GRIK1: variants seen among roughly 807,000 people sequenced by gnomAD.
GRIK1 encodes glutamate ionotropic receptor kainate type subunit 1.
In GRIK1, 69 loss-of-function variants were observed where a neutral mutation model predicts 105.7. The ratio of observed to expected loss-of-function variants is 0.65; its 90% confidence interval spans 0.54 to 0.80. The LOEUF (loss-of-function observed/expected upper bound fraction) is 0.80, where lower values mean the gene tolerates loss of function less well. Ranked by LOEUF, GRIK1 falls within the 30% of genes least tolerant of loss-of-function variation. The pLI is 0.00. For synonymous variants in GRIK1, 438 were observed against 431.3 expected, an observed-to-expected ratio of 1.02 and a Z score of -0.19; for missense variants, 1,109 against 1,167.3, an observed-to-expected ratio of 0.95 and a Z score of 0.73.
intron 1 of GRIK1, among the ~76,000 whole-genome samples, chr21:29,709,631 C>T (rs1274732130): frequency 6.6e-6 from 1 of 151,810 alleles, no homozygotes; most frequent in Non-Finnish European, 1.5e-5. Context: ...AGAACATGGG[C>T]ACATTTATAT....
chr21:29,772,761 A>C (rs1219365254), intron 1 of GRIK1, among the ~76,000 whole-genome samples: 1 of 152,214 alleles, frequency 6.6e-6, no homozygotes, highest in Admixed American at 6.5e-5. Context: ...ATTAGGCAGA[A>C]GCAGTTTGCA....
At chr21:29,636,880 A>G (rs2062408380) in intron 7 of GRIK1, among the ~76,000 whole-genome samples, 1 of 152,176 alleles carries the variant, frequency 6.6e-6, no homozygotes, top group Non-Finnish European at 1.5e-5. Flanking sequence ...TTAGCAGACA[A>G]CTTCCAATTG....
At chr21:29,775,319 T>C (rs1170035527) in intron 1 of GRIK1, among the ~76,000 whole-genome samples, 1 of 151,144 alleles carries the variant, frequency 6.6e-6, no homozygotes, top group African/African-American at 2.4e-5. Flanking sequence ...AGTTGCTTTG[T>C]CAATAGATGG....
At chr21:29,631,939 T>C (rs2146485636) in intron 7 of GRIK1, among the ~76,000 whole-genome samples, 1 of 152,248 alleles carries the variant, frequency 6.6e-6, no homozygotes, top group Non-Finnish European at 1.5e-5. Flanking sequence ...TACTTAAATG[T>C]TCAATTTAAG....
chr21:29,576,502 C>T (rs1388343873), intron 14 of GRIK1, among the ~76,000 whole-genome samples: 4 of 152,250 alleles, frequency 2.6e-5, no homozygotes, highest in Middle Eastern at 3.4e-3. Context: ...AATATCAACA[C>T]GTTTTCTTGT....
chr21:29,578,404 T>C (rs762526980), intron 13 of GRIK1, among the ~76,000 whole-genome samples: 2 of 152,184 alleles, frequency 1.3e-5, no homozygotes, highest in Non-Finnish European at 2.9e-5. Context: ...TTCACCAGTC[T>C]ACCAATAAAT....
intron 1 of GRIK1, among the ~76,000 whole-genome samples, chr21:29,787,307 G>T (rs2066284578): frequency 2.0e-5 from 3 of 152,148 alleles, no homozygotes; most frequent in African/African-American, 7.2e-5. Context: ...CCTTTTCAAA[G>T]ATATTAGATA....
chr21:29,719,574 A>G (rs923005920), intron 1 of GRIK1, among the ~76,000 whole-genome samples: 3 of 152,114 alleles, frequency 2.0e-5, no homozygotes, highest in Non-Finnish European at 4.4e-5. Flanking sequence ...AAGAAAGAAG[A>G]AAGAAACATG....
intron 1 of GRIK1, among the ~76,000 whole-genome samples, chr21:29,933,409 A>G (rs2146366459): frequency 6.6e-6 from 1 of 152,308 alleles, no homozygotes; most frequent in East Asian, 1.9e-4. Context: ...TACGATTCAA[A>G]TAAGGGTCTT....
intron 1 of GRIK1, among the ~76,000 whole-genome samples, chr21:29,875,936 C>G (rs1042021192): frequency 6.6e-6 from 1 of 152,094 alleles, no homozygotes; most frequent in Non-Finnish European, 1.5e-5. Context: ...TCTCTCAGCC[C>G]TCTAGAAGGT....
intron 1 of GRIK1, among the ~76,000 whole-genome samples, chr21:29,823,683 G>C (rs944661892): frequency 2.0e-5 from 3 of 151,876 alleles, no homozygotes; most frequent in Non-Finnish European, 2.9e-5. Flanking sequence ...CAACCATGCT[G>C]TAAGATTTAA....
At chr21:29,848,150 C>T (rs577206606) in intron 1 of GRIK1, among the ~76,000 whole-genome samples, 3 of 152,184 alleles carry the variant, frequency 2.0e-5, no homozygotes, top group South Asian at 2.1e-4. Context: ...TTTATCTGTA[C>T]GCTGCTTCTA....
At position 29,848,755 on chromosome 21, in the gene GRIK1, G is replaced by GTGTGTGTA. The variant is rs773386863; in HGVS notation, c.118+90627_118+90628insTACACACA. 3.7e-3 allele frequency among the ~76,000 whole-genome samples: 338 copies of GTGTGTGTA among 91,214 alleles called. 6 individuals carry two copies. The highest frequency in any genetic ancestry group is 0.014 in the African/African-American group (322 of 22,264). 59.8% of individuals were successfully genotyped at this position (91,214 alleles called of 152,430 possible). A position where few individuals can be genotyped will look rare whatever the true frequency, so the allele number is the denominator to read the frequency against. On this transcript the variant is annotated intron_variant, in intron 1 of 17. Coordinates refer to ENST00000327783, the MANE Select transcript of GRIK1 (RefSeq NM_001330994.2). ...TCCTTAAATAGACCAAGTTGTGTGT[G>GTGTGTGTA]TATATATATATATATATATATATAT...
Position 29,555,198 on chromosome 21 carries a change from C to T in GRIK1, c.2461G>A (p.Glu821Lys), listed in dbSNP as rs548418279. The T allele has an allele frequency of 2.5e-5, 40 of 1,613,932 alleles. No homozygotes were observed. Among genetic ancestry groups the T allele is most frequent in the Admixed American group, 8.3e-5 (5 of 59,978 alleles). Reference protein sequence around the residue: ...EKWWRGNGCPEEDNKEASALG... With the variant: ...EKWWRGNGCPKEDNKEASALG... ...GCACTGGCTTCTTTGTTGTCTTCCT[C>T]GGGGCAGCCATTCCCACGCCACCAC... The change falls in exon 16 of 18, where the codon GAG becomes AAG. Residue 821 changes from glutamate to lysine, a missense_variant. Glu to Lys is a moderately conservative substitution (Grantham distance 56, BLOSUM62 1). This residue lies in a region of GRIK1 where 18 missense variants were observed against 42.8 expected (regional missense o/e 0.42). Coordinates refer to ENST00000327783, the MANE Select transcript of GRIK1 (RefSeq NM_001330994.2).
chr21:29,673,012 G>T lies in GRIK1; in HGVS notation c.697C>A (p.His233Asn), dbSNP rs764256830. 1.9e-6 allele frequency: 3 copies of T among 1,613,130 alleles called. No homozygotes were observed. In the East Asian group the frequency reaches 6.7e-5, roughly 36 times the overall value. ...TTAAGGATTTCAGCGGCTGTTTCAT[G>T]TGAACAATCAAATATCACATAGAAC... ...KEFYVIFDCS[H>N]ETAAEILKQI... The change falls in exon 4 of 18, where the codon CAT (histidine) becomes AAT (asparagine). Residue 233 changes from histidine (H) to asparagine (N), a missense_variant. Around this residue, in one of 5 missense-constraint regions of GRIK1, gnomAD observed 612 missense variants for 586.0 expected, o/e 1.04. Transcript: ENST00000327783.
At chr21:29,771,635 C>T (rs769237338) in intron 1 of GRIK1, among the ~76,000 whole-genome samples, 33 of 152,300 alleles carry the variant, frequency 2.2e-4, no homozygotes, top group Non-Finnish European at 1.3e-4. Context: ...CTTGATGTCA[C>T]GCTGATGGGA....
At chr21:29,911,769 T>C (rs1485348477) in intron 1 of GRIK1, among the ~76,000 whole-genome samples, 3 of 152,036 alleles carry the variant, frequency 2.0e-5, no homozygotes, top group Non-Finnish European at 2.9e-5. Flanking sequence ...AGACTATCTA[T>C]GAACCAGAAA....
intron 1 of GRIK1, among the ~76,000 whole-genome samples, chr21:29,857,345 C>T (rs2068493895): frequency 1.3e-5 from 2 of 152,226 alleles, no homozygotes; most frequent in African/African-American, 4.8e-5. Context: ...TTCACACTGC[C>T]TTCCAAGCCT....
chr21:29,563,550 G>A (rs947798054), intron 14 of GRIK1, among the ~76,000 whole-genome samples: 6 of 152,260 alleles, frequency 3.9e-5, no homozygotes, highest in African/African-American at 9.6e-5. Flanking sequence ...TAACAAAGGC[G>A]TGTTTTGGGG....
Sources: gnomAD v4.1 joint callset for allele counts (sites outside exome capture counted in the v4.1 genomes callset) on GRCh38, gnomAD v4.1.1 for gene constraint, gnomAD v4.1.1 regional missense constraint, MANE v1.5 for transcripts, NCBI Gene and HGNC (gene_info 2026-07-23, HGNC 2026-07-21) for gene names.